VAV2: variants seen among roughly 807,000 people sequenced by gnomAD.
The protein encoded by VAV2 is guanine nucleotide exchange factor VAV2.
VAV2 carries 67 observed loss-of-function variants against 132.5 expected under a neutral mutation model. The ratio of observed to expected loss-of-function variants is 0.51; its 90% confidence interval spans 0.42 to 0.62. The LOEUF (loss-of-function observed/expected upper bound fraction) is 0.62. VAV2 is among the 20% of genes least tolerant of loss of function. The pLI is 0.00. For missense variants in VAV2, 938 were observed against 1,153.6 expected (o/e 0.81, Z 2.71); for synonymous variants, 492 against 443.5 (o/e 1.11, Z -1.37).
intron 10 of VAV2, among the ~76,000 whole-genome samples, chr9:133,796,939 G>A (rs552725605): frequency 8.5e-5 from 13 of 152,328 alleles, no homozygotes; most frequent in African/African-American, 1.4e-4. Flanking sequence ...AGCAAGGTGG[G>A]GCACCAACTT....
intron 4 of VAV2, among the ~76,000 whole-genome samples, chr9:133,829,076 G>GC (rs1048200898): frequency 2.0e-5 from 3 of 152,174 alleles, no homozygotes; most frequent in Admixed American, 6.5e-5. Context: ...CAGGCTGGGA[G>GC]CCCCCCAGTG....
intron 1 of VAV2, among the ~76,000 whole-genome samples, chr9:133,959,555 C>T (rs1841899099): frequency 6.6e-6 from 1 of 152,206 alleles, no homozygotes; most frequent in Admixed American, 6.5e-5. Flanking sequence ...CACCCCGTGA[C>T]CGTCTGGACG....
chr9:133,792,728 C>T (rs2131625795), intron 12 of VAV2, among the ~76,000 whole-genome samples: 1 of 133,628 alleles, frequency 7.5e-6, no homozygotes. Context: ...CGTTTCTGGA[C>T]CTTCTTCCTC....
chr9:133,952,895 T>C (rs10821540), intron 1 of VAV2, among the ~76,000 whole-genome samples: 1,116 of 66,080 alleles, frequency 0.017, 46 homozygotes, highest in African/African-American at 0.064. Context: ...GGAGGGAGCA[T>C]GGCCCCACTG....
At chr9:133,810,090 G>A (rs937316935) in intron 6 of VAV2, 101 bp downstream of exon 6, 3 of 1,537,088 alleles carry the variant, frequency 2.0e-6, no homozygotes, top group Non-Finnish European at 8.9e-7. Flanking sequence ...CTTCCTGGGG[G>A]CAGGGTCCCG....
chr9:133,897,265 C>A (rs1233867988), intron 2 of VAV2, among the ~76,000 whole-genome samples: 2 of 152,176 alleles, frequency 1.3e-5, no homozygotes, highest in Non-Finnish European at 2.9e-5. Flanking sequence ...AAGTCCCCCT[C>A]CTTCCGCCCA....
At position 133,900,025 on chromosome 9, in the gene VAV2, A is replaced by AAAAT. The variant is rs752288414; in HGVS notation, c.322-38597_322-38594dup. On this transcript the variant is annotated intron_variant, in intron 2 of 29. Coordinates refer to ENST00000371850, the MANE Select transcript of VAV2 (RefSeq NM_001134398.2). ...GACAGAGCAAGACTCCATCTCAAAA[A>AAAAT]AAATAAATAAATAAATAAATAAAAA... Among the ~76,000 whole-genome samples, 4 of 138,008 alleles carry AAAAT rather than the reference A, an allele frequency of 2.9e-5. 1 individual carries two copies. Among genetic ancestry groups the AAAAT allele is most frequent in the African/African-American group, 7.7e-5 (3 of 39,084 alleles). 90.5% of individuals were successfully genotyped at this position (138,008 alleles called of 152,430 possible). A position where few individuals can be genotyped will look rare whatever the true frequency, so the allele number is the denominator to read the frequency against.
chr9:133,781,080 G>A lies in VAV2; in HGVS notation c.1724-370C>T, dbSNP rs1406770733. Among the ~76,000 whole-genome samples, 3 of 152,192 alleles carry A rather than the reference G, an allele frequency of 2.0e-5. No homozygotes were observed. The East Asian group carries it at 5.8e-4, about 29-fold the overall frequency. ...ACTCAAAGGGGAGATTTCCACAATCGCTTAGTGATGCCTGCTGGGGCACGT... is the reference window on the plus strand; with the variant it reads ...ACTCAAAGGGGAGATTTCCACAATCACTTAGTGATGCCTGCTGGGGCACGT... On this transcript the variant is annotated intron_variant, in intron 19 of 29. Transcript: ENST00000371850.
At chr9:133,821,295 C>A (rs1026829499) in intron 4 of VAV2, among the ~76,000 whole-genome samples, 1 of 152,218 alleles carries the variant, frequency 6.6e-6, no homozygotes, top group South Asian at 2.1e-4. Flanking sequence ...TCGGAACAGG[C>A]GGGCCGCAGT....
intron 3 of VAV2, among the ~76,000 whole-genome samples, chr9:133,853,127 G>T (rs1837251684): frequency 6.6e-6 from 1 of 152,256 alleles, no homozygotes; most frequent in Admixed American, 6.5e-5. Flanking sequence ...GCCCAGGACA[G>T]CAGGAAGAGG....
intron 3 of VAV2, among the ~76,000 whole-genome samples, chr9:133,860,958 C>A (rs1837570175): frequency 6.6e-6 from 1 of 152,200 alleles, no homozygotes; most frequent in African/African-American, 2.4e-5. Flanking sequence ...GTGCCCTGCA[C>A]AGGGACCTGC....
chr9:133,903,617 G>T (rs1203457249), intron 2 of VAV2, among the ~76,000 whole-genome samples: 1 of 152,198 alleles, frequency 6.6e-6, no homozygotes, highest in Non-Finnish European at 1.5e-5. Context: ...CCAGCCTCGG[G>T]TCCGGTGGCT....
intron 4 of VAV2, among the ~76,000 whole-genome samples, chr9:133,822,782 T>C (rs1333175049): frequency 1.3e-5 from 2 of 151,474 alleles, no homozygotes; most frequent in Admixed American, 6.6e-5. Flanking sequence ...CCTCCCACCA[T>C]CTAAAAATAT....
chr9:133,990,824 G>A (rs1437440884), intron 1 of VAV2, among the ~76,000 whole-genome samples: 4 of 152,208 alleles, frequency 2.6e-5, no homozygotes, highest in African/African-American at 9.7e-5. Context: ...AAGAGGCGCT[G>A]GCTCCCAGGG....
chr9:133,789,451 G>A, intron 13 of VAV2, 108 bp from the exon 14 acceptor site: 2 of 1,036,550 alleles, frequency 1.9e-6, no homozygotes, highest in South Asian at 1.4e-5. Context: ...CCCACAGGCA[G>A]CAGAGGCGGG....
chr9:133,896,221 G>A (rs187169283), intron 2 of VAV2, among the ~76,000 whole-genome samples: 8 of 152,208 alleles, frequency 5.3e-5, no homozygotes, highest in African/African-American at 1.4e-4. Flanking sequence ...TTGGGAGCGC[G>A]AGGCATGCGG....
intron 2 of VAV2, among the ~76,000 whole-genome samples, chr9:133,888,245 C>T (rs547171630): frequency 3.3e-5 from 5 of 152,200 alleles, no homozygotes; most frequent in Non-Finnish European, 7.3e-5. Flanking sequence ...GAGTGTCCGC[C>T]TGGGCGGATG....
At chr9:133,778,947 G>A in intron 21 of VAV2, 58 bp from the exon 22 acceptor site, 1 of 1,586,934 alleles carries the variant, frequency 6.3e-7, no homozygotes, top group Non-Finnish European at 8.6e-7. Context: ...TGACTGACTT[G>A]GCCCCGGCCC....
chr9:133,768,744 T>A lies in VAV2; in HGVS notation c.2435-148A>T. The A allele has an allele frequency of 1.8e-6, 2 of 1,091,286 alleles. No individual in the cohort carries two copies. The highest frequency in any genetic ancestry group is 2.6e-6 in the Non-Finnish European group (2 of 784,086). 67.6% of individuals were successfully genotyped at this position (1,091,286 alleles called of 1,614,324 possible). A position where few individuals can be genotyped will look rare whatever the true frequency, so the allele number is the denominator to read the frequency against. On this transcript the variant is annotated intron_variant, in intron 28 of 29. Coordinates refer to ENST00000371850, the MANE Select transcript of VAV2 (RefSeq NM_001134398.2). The surrounding 1 kb of genome is among the most constrained non-coding windows in gnomAD (Gnocchi z 5.3). Reference sequence around the variant, plus strand: ...GGAAGGATGTCAAGCAGAAAGGCTCTGGAGGGACACACTGGCCTCCAATCC... The same window carrying A: ...GGAAGGATGTCAAGCAGAAAGGCTCAGGAGGGACACACTGGCCTCCAATCC...
Sources: allele counts gnomAD v4.1 joint callset (sites outside exome capture counted in the v4.1 genomes callset), GRCh38; gene constraint gnomAD v4.1.1; non-coding constraint Gnocchi (gnomAD v3.1); transcripts MANE v1.5; gene names NCBI Gene and HGNC (gene_info 2026-07-23, HGNC 2026-07-21).